The following ATP5PD variants were observed in gnomAD, a reference collection of about 807,000 sequenced individuals.
ATP5PD encodes ATP synthase peripheral stalk subunit d, mitochondrial.
In ATP5PD, 13 loss-of-function variants were observed where a neutral mutation model predicts 22.6. The ratio of observed to expected loss-of-function variants is 0.58; its 90% CI spans 0.37 to 0.91. The LOEUF (loss-of-function observed/expected upper bound fraction) is 0.91. Ranked by LOEUF, ATP5PD falls within the 40% of genes least tolerant of loss-of-function variation. ATP5PD has a pLI of 0.00. For missense variants in ATP5PD, 165 were observed against 188.0 expected (o/e 0.88, Z 0.72); for synonymous variants, 51 against 65.0 (o/e 0.79, Z 1.03).
In ATP5PD at chr17:75,040,137, T is replaced by C; in HGVS notation, c.246A>G (p.Pro82=). ...KKFNALKVPV[P]EDKYTAQVDA... Reference sequence around the variant, plus strand: ...CCACCTGGGCAGTATATTTATCCTCTGGCACGGGAACCTTCAGCGCATTAA... The same window carrying C: ...CCACCTGGGCAGTATATTTATCCTCCGGCACGGGAACCTTCAGCGCATTAA... Residue 82 remains proline, a synonymous_variant, in exon 4 of 6, where the codon CCA becomes CCG. Coordinates refer to ENST00000301587, the MANE Select transcript of ATP5PD (RefSeq NM_006356.3). 6.2e-7 allele frequency: 1 copy of C among 1,612,596 alleles called. No individual in the cohort carries two copies. The highest frequency in any genetic ancestry group is 1.1e-5 in the South Asian group (1 of 91,000).
At position 75,038,897 on chromosome 17, in the gene ATP5PD, A is replaced by C. The variant is rs1433101807; in HGVS notation, c.*35T>G. On this transcript the variant is annotated 3_prime_UTR_variant, in exon 6 of 6. Transcript: ENST00000301587. ...ATTATTTTTAATGTCCAGAATGTGT[A>C]ATACAAGGGCCAGAGCTTCCTCCTG... 1.3e-6 allele frequency: 2 copies of C among 1,594,732 alleles called. No individual in the cohort carries two copies. The highest frequency in any genetic ancestry group is 2.3e-5 in the South Asian group (2 of 88,142).
chr17:75,040,936 T>A (rs1366220358), intron 3 of ATP5PD: 1 of 150,784 alleles, frequency 6.6e-6, no homozygotes, highest in Non-Finnish European at 1.5e-5. Flanking sequence ...CACTTAACAC[T>A]ACCTGGCACA....
At position 75,042,210 on chromosome 17, in the gene ATP5PD, C is replaced by T; in HGVS notation, c.190G>A (p.Ala64Thr). The change falls in exon 3 of 6, where the codon GCT becomes ACT. Residue 64 changes from alanine (A) to threonine (T), a missense_variant. Coordinates refer to ENST00000301587, the MANE Select transcript of ATP5PD (RefSeq NM_006356.3). ...WAYYKANVAK[A>T]GLVDDFEKKF... is the part of the protein sequence containing the mutation. The stretch of plus-strand genomic sequence containing the variant: ...TTCTCAAAGTCATCCACCAAGCCAG[C>T]CTTGGCCACATTGGCCTTGTAGTAA... 1 of 1,614,180 alleles carries T rather than the reference C, an allele frequency of 6.2e-7. No homozygotes were observed.
chr17:75,045,035 C>G (rs146343520), intron 1 of ATP5PD, among the ~76,000 whole-genome samples: 2 of 152,106 alleles, frequency 1.3e-5, no homozygotes, highest in Non-Finnish European at 2.9e-5. Context: ...CACATAGGTT[C>G]TTTTCTATTT....
At chr17:75,041,784 T>A in intron 3 of ATP5PD, 1 of 157,376 alleles carries the variant, frequency 6.4e-6, no homozygotes, top group Non-Finnish European at 1.4e-5. Context: ...GTGGATTGCT[T>A]GAGCCCAAGA....
intron 4 of ATP5PD, chr17:75,039,654 A>C: frequency 7.1e-6 from 2 of 279,818 alleles, no homozygotes; most frequent in Non-Finnish European, 1.3e-5. Flanking sequence ...TCAAGCAAAT[A>C]ATTAGGTATT....
chr17:75,039,038 G>A lies in ATP5PD; in HGVS notation c.380C>T (p.Pro127Leu), dbSNP rs765961993. 1.2e-6 allele frequency: 2 copies of A among 1,613,896 alleles called. No homozygotes were observed. Among genetic ancestry groups the A allele is most frequent in the South Asian group, 2.2e-5 (2 of 91,032 alleles). ...GTCCTCAATGGTCATCTGATCAAAT[G>A]GAATTAAGTTCTTCATCTTCTCCAT... ...KEMEKMKNLI[P>L]FDQMTIEDLN... The change falls in exon 6 of 6, where the codon CCA becomes CTA. Residue 127 changes from proline (P) to leucine (L), a missense_variant. Physicochemically the swap from Pro to Leu is moderately conservative, Grantham distance 98. Transcript: ENST00000301587.
chr17:75,046,505 C>G (rs185511189), intron 1 of ATP5PD, among the ~76,000 whole-genome samples: 2 of 152,248 alleles, frequency 1.3e-5, no homozygotes, highest in Non-Finnish European at 2.9e-5. Flanking sequence ...CCGAGGAGCC[C>G]TGAACGCTCT....
At chr17:75,042,796 A>G in intron 1 of ATP5PD, 137 bp from the exon 2 acceptor site, 1 of 913,974 alleles carries the variant, frequency 1.1e-6, no homozygotes. Flanking sequence ...CACAAGAATC[A>G]CTTGAACCCA....
chr17:75,039,186 C>A, intron 5 of ATP5PD, 23 bp downstream of exon 5: 1 of 1,613,980 alleles, frequency 6.2e-7, no homozygotes. Flanking sequence ...ATATTATAGG[C>A]AACGGCTACC....
chr17:75,040,404 C>T, intron 3 of ATP5PD: 2 of 507,834 alleles, frequency 3.9e-6, no homozygotes, highest in African/African-American at 1.9e-5. Context: ...TAACTCGGAA[C>T]CCTGGACAAT....
At position 75,042,294 on chromosome 17, in the gene ATP5PD, G is replaced by A. The variant is rs1283015843; in HGVS notation, c.123-17C>T. 7.4e-6 allele frequency: 12 copies of A among 1,611,908 alleles called. 1 individual carries two copies. In the Admixed American group the frequency reaches 2.0e-4, roughly 27 times the overall value. On this transcript the variant is annotated splice_polypyrimidine_tract_variant and intron_variant, in intron 2 of 5. Transcript: ENST00000301587. Reference sequence around the variant, plus strand: ...GCAGCCAACCTGCCCACAAGGAAAGGCAAAAGTTAGGATTGTTCATAAGCA... The same window carrying A: ...GCAGCCAACCTGCCCACAAGGAAAGACAAAAGTTAGGATTGTTCATAAGCA...
chr17:75,042,355 T>C (rs2073170027), intron 2 of ATP5PD, 78 bp from the exon 3 acceptor site: 3 of 1,535,242 alleles, frequency 2.0e-6, no homozygotes, highest in Admixed American at 1.7e-5. Context: ...CTATCCCTTC[T>C]TCCTATGGCC....
At chr17:75,043,594 AGAGT>A (rs1364586897) in intron 1 of ATP5PD, among the ~76,000 whole-genome samples, 4 of 148,734 alleles carry the variant, frequency 2.7e-5, no homozygotes, top group African/African-American at 1.0e-4. Flanking sequence ...GCCTGGACAC[AGAGT>A]GAGACTCTGT....
Position 75,039,189 on chromosome 17 carries a change from C to G in ATP5PD, c.354+20G>C, listed in dbSNP as rs371155959. The G allele has an allele frequency of 2.5e-6, 4 of 1,613,726 alleles. No individual in the cohort carries two copies. The African/African-American group carries it at 5.3e-5, about 22-fold the overall frequency. ...AAGAGAGAACCCATATTATAGGCAA[C>G]GGCTACCCATCATCCTTACCTCTTT... On this transcript the variant is annotated intron_variant, in intron 5 of 5. Transcript: ENST00000301587.
intron 3 of ATP5PD, chr17:75,041,647 A>C (rs2073161948): frequency 6.6e-6 from 1 of 152,416 alleles, no homozygotes; most frequent in Non-Finnish European, 1.5e-5. Flanking sequence ...GGACAGGAAA[A>C]GAGTAGAAAA....
intron 1 of ATP5PD, among the ~76,000 whole-genome samples, chr17:75,045,672 G>C (rs976456326): frequency 6.6e-6 from 1 of 152,162 alleles, no homozygotes; most frequent in Non-Finnish European, 1.5e-5. Context: ...GTTCTCTCTT[G>C]TTCCCTGAAC....
chr17:75,044,602 A>G (rs574405676), intron 1 of ATP5PD, among the ~76,000 whole-genome samples: 2 of 152,072 alleles, frequency 1.3e-5, no homozygotes, highest in East Asian at 1.9e-4. Flanking sequence ...TCAGCCTTGC[A>G]AAGTGCTGGA....
At chr17:75,045,679 G>T (rs2073207992) in intron 1 of ATP5PD, among the ~76,000 whole-genome samples, 1 of 152,206 alleles carries the variant, frequency 6.6e-6, no homozygotes, top group Non-Finnish European at 1.5e-5. Context: ...CTTGTTCCCT[G>T]AACAATTGCT....
Sources: gnomAD v4.1 joint callset for allele counts (sites outside exome capture counted in the v4.1 genomes callset) on GRCh38, gnomAD v4.1.1 for gene constraint, MANE v1.5 for transcripts, NCBI Gene and HGNC (gene_info 2026-07-23, HGNC 2026-07-21) for gene names.